Variants in FAM120A observed in about 807,000 individuals in gnomAD.
FAM120A encodes family with sequence similarity 120 member A.
Under a neutral mutation model 109.7 loss-of-function variants are expected in FAM120A, and 15 were observed. The ratio of observed to expected loss-of-function variants is 0.14; its 90% confidence interval spans 0.09 to 0.21. The LOEUF is 0.21. Among genes scored for constraint, FAM120A ranks in the 10% least tolerant of loss-of-function variants. The pLI is 1.00. For missense variants in FAM120A, 899 were observed against 1,439.3 expected (o/e 0.62, Z 6.07); for synonymous variants, 493 against 572.8 (o/e 0.86, Z 1.99).
intron 3 of FAM120A, among the ~76,000 whole-genome samples, chr9:93,479,078 T>A (rs76456202): frequency 0.047 from 7,112 of 150,314 alleles, 230 homozygotes; most frequent in Non-Finnish European, 0.071. Flanking sequence ...AGGTTTAAGA[T>A]TAGGGTATTG....
intron 3 of FAM120A, among the ~76,000 whole-genome samples, chr9:93,480,680 C>G (rs1858760845): frequency 6.6e-6 from 1 of 151,936 alleles, no homozygotes; most frequent in African/African-American, 2.4e-5. Context: ...CATCTCATTT[C>G]CTCGCTCATT....
chr9:93,519,694 A>C (rs1860760369), intron 7 of FAM120A, among the ~76,000 whole-genome samples: 1 of 152,160 alleles, frequency 6.6e-6, no homozygotes, highest in African/African-American at 2.4e-5. Context: ...GTGATACCAC[A>C]AGGAAGGAAT....
chr9:93,460,311 C>G (rs1171197997), intron 1 of FAM120A, among the ~76,000 whole-genome samples: 1 of 152,150 alleles, frequency 6.6e-6, no homozygotes, highest in South Asian at 2.1e-4. Context: ...CTTAAATTAT[C>G]TAAATGTCTC....
At chr9:93,510,585 A>G (rs1274450355) in intron 5 of FAM120A, among the ~76,000 whole-genome samples, 29 of 152,216 alleles carry the variant, frequency 1.9e-4, no homozygotes, top group Admixed American at 1.9e-3. Flanking sequence ...TCATAGACTT[A>G]TAAAACACAT....
chr9:93,463,690 T>C (rs865902014), intron 1 of FAM120A, among the ~76,000 whole-genome samples: 49 of 152,362 alleles, frequency 3.2e-4, no homozygotes, highest in Middle Eastern at 3.4e-3. Flanking sequence ...TACGCTCTTA[T>C]GTCAGGTTGT....
intron 7 of FAM120A, among the ~76,000 whole-genome samples, chr9:93,525,285 G>A (rs1311091864): frequency 1.3e-5 from 2 of 149,654 alleles, no homozygotes; most frequent in Non-Finnish European, 3.0e-5. Context: ...ATGGTGCCTC[G>A]GCTCTCCAGT....
At chr9:93,562,772 C>T (rs757705424) in intron 17 of FAM120A, among the ~76,000 whole-genome samples, 3 of 148,964 alleles carry the variant, frequency 2.0e-5, no homozygotes, top group Admixed American at 1.4e-4. Context: ...TCAAGCGATT[C>T]GCTTGCGTCA....
intron 12 of FAM120A, among the ~76,000 whole-genome samples, chr9:93,552,596 T>A (rs1260336431): frequency 1.3e-5 from 2 of 152,204 alleles, no homozygotes; most frequent in Non-Finnish European, 2.9e-5. Flanking sequence ...AGATTGAAGA[T>A]CCTCTCAGCT....
At chr9:93,477,985 A>G (rs972955449) in intron 3 of FAM120A, among the ~76,000 whole-genome samples, 43 of 152,340 alleles carry the variant, frequency 2.8e-4, no homozygotes, top group African/African-American at 8.7e-4. Flanking sequence ...CATAAAGTAT[A>G]TGTCTGTGTT....
chr9:93,452,975 C>A lies in FAM120A; in HGVS notation c.474+586C>A. The A allele has an allele frequency of 7.4e-7, 1 of 1,351,846 alleles. No homozygotes were observed. Among genetic ancestry groups the A allele is most frequent in the African/African-American group, 1.5e-5 (1 of 67,184 alleles). 83.7% of individuals were successfully genotyped at this position (1,351,846 alleles called of 1,614,324 possible). On this transcript the variant is annotated intron_variant, in intron 1 of 17. Coordinates refer to ENST00000277165, the MANE Select transcript of FAM120A (RefSeq NM_014612.5). This position sits in a 1 kb window ranked among gnomAD's most constrained non-coding sequence, Gnocchi z 7.0. ...CTACTTCAGAACGCAGTGCCCTGTC[C>A]GTGTTCCTCTTAGTACAGGGTGTTT...
intron 7 of FAM120A, among the ~76,000 whole-genome samples, chr9:93,518,864 G>A (rs1009369195): frequency 2.6e-5 from 4 of 152,220 alleles, no homozygotes; most frequent in African/African-American, 9.6e-5. Flanking sequence ...CGGGCCGCAC[G>A]CAGCACAGGA....
At chr9:93,521,597 GGAAA>G (rs929927786) in intron 7 of FAM120A, among the ~76,000 whole-genome samples, 2 of 150,322 alleles carry the variant, frequency 1.3e-5, no homozygotes, top group Admixed American at 6.6e-5. Context: ...AAAAAAAAAA[GGAAA>G]GAAAGAAAAG....
In FAM120A at chr9:93,452,017, C is replaced by A; in HGVS notation, c.102C>A (p.Gly34=). The stretch of plus-strand genomic sequence containing the variant: ...TGGCCCGGGGCAGCCTGGTGGGCGG[C>A]GGGCGGCAGCGGCCCCCGCAGACCC... ...QKLARGSLVG[G]GRQRPPQTPL... is the part of the protein sequence containing the mutation. Residue 34 remains glycine (G), a synonymous_variant, in exon 1 of 18, where the codon GGC becomes GGA. Transcript: ENST00000277165. This position sits in a 1 kb window ranked among gnomAD's most constrained non-coding sequence, Gnocchi z 7.0. 6.4e-7 allele frequency: 1 copy of A among 1,556,650 alleles called. No homozygotes were observed. Among genetic ancestry groups the A allele is most frequent in the Non-Finnish European group, 8.7e-7 (1 of 1,151,732 alleles).
At chr9:93,470,885 G>T (rs373656974) in intron 1 of FAM120A, among the ~76,000 whole-genome samples, 12 of 152,156 alleles carry the variant, frequency 7.9e-5, no homozygotes, top group Non-Finnish European at 1.8e-4. Context: ...AGCTTGACAA[G>T]AATTGAAAAT....
chr9:93,478,429 C>G (rs994825858), intron 3 of FAM120A, among the ~76,000 whole-genome samples: 1 of 152,088 alleles, frequency 6.6e-6, no homozygotes, highest in Non-Finnish European at 1.5e-5. Flanking sequence ...ACATGAAATG[C>G]AAGTGCACCT....
chr9:93,534,565 G>A lies in FAM120A; in HGVS notation c.1909+2236G>A, dbSNP rs530645711. 4.6e-5 allele frequency among the ~76,000 whole-genome samples: 7 copies of A among 152,256 alleles called. No homozygotes were observed. In the South Asian group the frequency reaches 1.5e-3, roughly 32 times the overall value. On this transcript the variant is annotated intron_variant, in intron 10 of 17. Coordinates refer to ENST00000277165, the MANE Select transcript of FAM120A (RefSeq NM_014612.5). ...CTTCTCTTGAGACATGGCTGAGATG[G>A]ACAAGGGAACGCCGTATCTTCAAAG...
intron 4 of FAM120A, 104 bp downstream of exon 4, chr9:93,497,703 A>G (rs774765351): frequency 8.8e-5 from 120 of 1,366,128 alleles, no homozygotes; most frequent in Non-Finnish European, 1.1e-4. Context: ...GTGCAAGCTG[A>G]CTGGATGGGT....
chr9:93,541,460 A>G (rs1861698057), intron 10 of FAM120A, among the ~76,000 whole-genome samples: 1 of 152,194 alleles, frequency 6.6e-6, no homozygotes, highest in South Asian at 2.1e-4. Context: ...TTGTGCGTCC[A>G]ACGACAGGAT....
chr9:93,550,594 C>G lies in FAM120A; in HGVS notation c.2177C>G (p.Pro726Arg). 6.2e-7 allele frequency: 1 copy of G among 1,613,708 alleles called. No individual in the cohort carries two copies. Among genetic ancestry groups the G allele is most frequent in the Non-Finnish European group, 8.5e-7 (1 of 1,179,970 alleles). ...CCVLRYMVQWPGARILRRQEL... is the reference protein window; with the variant it reads ...CCVLRYMVQWRGARILRRQEL... Reference sequence around the variant, plus strand: ...CTCACCAGGTACATGGTGCAGTGGCCGGGAGCACGCATCCTTCGGCGTCAG... The same window carrying G: ...CTCACCAGGTACATGGTGCAGTGGCGGGGAGCACGCATCCTTCGGCGTCAG... Residue 726 changes from proline to arginine, a missense_variant, in exon 12 of 18, where the codon CCG becomes CGG. Physicochemically the swap from Pro to Arg is moderately radical, Grantham distance 103. Transcript: ENST00000277165.
Sources: allele counts gnomAD v4.1 joint callset (sites outside exome capture counted in the v4.1 genomes callset), GRCh38; gene constraint gnomAD v4.1.1; non-coding constraint Gnocchi (gnomAD v3.1); transcripts MANE v1.5; gene names NCBI Gene and HGNC (gene_info 2026-07-23, HGNC 2026-07-21).